NCAPG2: variants seen among roughly 807,000 people sequenced by gnomAD.
NCAPG2 encodes the protein non-SMC condensin II complex subunit G2.
A neutral mutation model predicts 141.1 loss-of-function variants in NCAPG2; 53 were observed. That is an observed-to-expected ratio of 0.38 (90% CI 0.30 to 0.47). The LOEUF (loss-of-function observed/expected upper bound fraction) is 0.47, where lower values mean the gene tolerates loss of function less well. Among genes scored for constraint, NCAPG2 ranks in the 20% least tolerant of loss-of-function variants. The pLI, the probability that NCAPG2 is intolerant of heterozygous loss-of-function variation, is 0.99. For synonymous variants in NCAPG2, 499 were observed against 490.7 expected (o/e 1.02, Z -0.22); for missense variants, 1,087 against 1,389.0 (o/e 0.78, Z 3.46).
chr7:158,685,815 A>G (rs1834723556), intron 8 of NCAPG2, among the ~76,000 whole-genome samples: 2 of 152,230 alleles, frequency 1.3e-5, no homozygotes, highest in African/African-American at 4.8e-5. Context: ...CAACATTTTT[A>G]AAAAGTACTG....
rs1833099189 is a variant in NCAPG2 at position 158,667,352 on chromosome 7, A to ACCCACAACT, written c.1480-2603_1480-2602insAGTTGTGGG. 1.5e-5 allele frequency: 2 copies of ACCCACAACT among 134,568 alleles called. 1 individual carries two copies. Among genetic ancestry groups the ACCCACAACT allele is most frequent in the Admixed American group, 1.7e-3 (2 of 1,202 alleles). 8.3% of individuals were successfully genotyped at this position (134,568 alleles called of 1,614,324 possible). The stretch of plus-strand genomic sequence containing the variant: ...CCGCTACTGTGTCCCTCCGCTCCTT[A>ACCCACAACT]GCCACTACCGGATCCCTCCGCCCCC... On this transcript the variant is annotated intron_variant, in intron 13 of 27. Transcript: ENST00000356309.
At chr7:158,675,981 CG>C (rs1834028037) in intron 11 of NCAPG2, among the ~76,000 whole-genome samples, 1 of 152,146 alleles carries the variant, frequency 6.6e-6, no homozygotes, top group African/African-American at 2.4e-5. Context: ...ACGTACACCA[CG>C]CTTTTGAATT....
chr7:158,682,545 A>G (rs961722094), intron 9 of NCAPG2, among the ~76,000 whole-genome samples: 4 of 152,248 alleles, frequency 2.6e-5, no homozygotes, highest in African/African-American at 9.6e-5. Flanking sequence ...GTATATTTAC[A>G]TTCTATAAAT....
In NCAPG2 at chr7:158,689,596, GTA is replaced by G. The variant is rs1386388980; in HGVS notation, c.672+221_672+222del. Among the ~76,000 whole-genome samples the G allele has an allele frequency of 1.6e-4, 24 of 152,256 alleles. 1 individual carries two copies. Among genetic ancestry groups the G allele is most frequent in the African/African-American group, 5.3e-4 (22 of 41,548 alleles). On this transcript the variant is annotated intron_variant, in intron 6 of 27. Coordinates refer to ENST00000356309, the MANE Select transcript of NCAPG2 (RefSeq NM_017760.7). The stretch of plus-strand genomic sequence containing the variant: ...TAAAATGTAATTACGGTTCCCCTAG[GTA>G]ACACACAGCCACCTGTTACCATCCA...
Position 158,675,624 on chromosome 7 carries a change from A to C in NCAPG2, c.1179T>G (p.Arg393=). Residue 393 remains arginine (R), a synonymous_variant, in exon 12 of 28, where the codon CGT becomes CGG. Coordinates refer to ENST00000356309, the MANE Select transcript of NCAPG2 (RefSeq NM_017760.7). The part of the protein sequence containing the change: ...SLLEDPYPMV[R]STGILGVCKI... The stretch of plus-strand genomic sequence containing the variant: ...TACAAACACCAAGGATCCCTGTGGA[A>C]CGGACCATCGGGTAAGGATCTTCTA... The C allele has an allele frequency of 6.2e-7, 1 of 1,613,274 alleles. No individual in the cohort carries two copies. The highest frequency in any genetic ancestry group is 8.5e-7 in the Non-Finnish European group (1 of 1,179,860).
intron 23 of NCAPG2, 55 bp downstream of exon 23, chr7:158,652,238 T>G: frequency 2.0e-6 from 3 of 1,522,806 alleles, no homozygotes; most frequent in Non-Finnish European, 2.7e-6. Context: ...TGTGTAGGTG[T>G]AGCCAGCCCT....
Position 158,664,233 on chromosome 7 carries a change from G to A in NCAPG2, c.1766C>T (p.Pro589Leu). The change falls in exon 15 of 28, where the codon CCT becomes CTT. Residue 589 changes from proline (P) to leucine (L), a missense_variant. Pro to Leu is a moderately conservative substitution (Grantham distance 98). Transcript: ENST00000356309. Reference protein sequence around the residue: ...NACIQRAVREPPEDEEEEDGR... With the variant: ...NACIQRAVRELPEDEEEEDGR... The stretch of plus-strand genomic sequence containing the variant: ...GTCCTCTTCCTCCTCGTCCTCTGGA[G>A]GCTCTCTCACTGCCCTCTGGATACA... 3.1e-6 allele frequency: 5 copies of A among 1,613,912 alleles called. No individual in the cohort carries two copies. The highest frequency in any genetic ancestry group is 4.2e-6 in the Non-Finnish European group (5 of 1,179,786).
In NCAPG2 at chr7:158,658,377, A is replaced by G; in HGVS notation, c.2021T>C (p.Leu674Pro). The stretch of plus-strand genomic sequence containing the variant: ...AGCAGAGGCCGGCATAAAGGACATT[A>G]GCATGAATAAAGGGATCTTGCAGCG... The part of the protein sequence containing the change: ...DDRCKIPLFM[L>P]MSFMPASAVP... The change falls in exon 17 of 28, where the codon CTA becomes CCA. Residue 674 changes from leucine (L) to proline (P), a missense_variant. By Grantham distance (98) the Leu-to-Pro change is moderately conservative. Transcript: ENST00000356309. 6.2e-7 allele frequency: 1 copy of G among 1,612,726 alleles called. No homozygotes were observed. Among genetic ancestry groups the G allele is most frequent in the Non-Finnish European group, 8.5e-7 (1 of 1,179,274 alleles).
At chr7:158,685,095 GA>G (rs1176305033) in intron 8 of NCAPG2, among the ~76,000 whole-genome samples, 7 of 152,260 alleles carry the variant, frequency 4.6e-5, no homozygotes, top group African/African-American at 1.7e-4. Flanking sequence ...TATTCTCAGA[GA>G]AAAATAAAAT....
chr7:158,679,114 C>T (rs1449058175), intron 11 of NCAPG2, among the ~76,000 whole-genome samples: 1 of 152,196 alleles, frequency 6.6e-6, no homozygotes, highest in East Asian at 1.9e-4. Flanking sequence ...CCTTGCCCTC[C>T]CACAGCGCTG....
At chr7:158,690,466 G>T in intron 5 of NCAPG2, 102 bp downstream of exon 5, 3 of 1,172,564 alleles carry the variant, frequency 2.6e-6, no homozygotes, top group South Asian at 3.0e-5. Context: ...GATTGCTCGA[G>T]CCCAGGAGTT....
At chr7:158,701,386 T>C (rs1587320523) in intron 2 of NCAPG2, among the ~76,000 whole-genome samples, 1 of 152,212 alleles carries the variant, frequency 6.6e-6, no homozygotes, top group Non-Finnish European at 1.5e-5. Flanking sequence ...TCCTTCTCTT[T>C]TGTTCTCTTC....
Position 158,678,958 on chromosome 7 carries a change from C to G in NCAPG2, c.1146+1002G>C, listed in dbSNP as rs370337490. Among the ~76,000 whole-genome samples the G allele has an allele frequency of 7.9e-5, 12 of 152,282 alleles. No individual in the cohort carries two copies. In the East Asian group the frequency reaches 1.5e-3, roughly 20 times the overall value. ...CTTGACCTCCTGGGCTGAAGCCTCC[C>G]AAGTAGCTGGGACCACAGGCGTGTG... is the stretch of plus-strand genomic sequence containing the variant. On this transcript the variant is annotated intron_variant, in intron 11 of 27. Coordinates refer to ENST00000356309, the MANE Select transcript of NCAPG2 (RefSeq NM_017760.7).
At chr7:158,636,654 A>G (rs1830221000) in intron 27 of NCAPG2, among the ~76,000 whole-genome samples, 1 of 152,086 alleles carries the variant, frequency 6.6e-6, no homozygotes, top group Non-Finnish European at 1.5e-5. Context: ...TGCCTGCCTC[A>G]GCCTCCCAAA....
chr7:158,675,226 G>C (rs1344572980), intron 12 of NCAPG2, among the ~76,000 whole-genome samples: 1 of 152,152 alleles, frequency 6.6e-6, no homozygotes, highest in Non-Finnish European at 1.5e-5. Flanking sequence ...AGAGACAAAA[G>C]AGAATAAATT....
chr7:158,663,908 C>G (rs537836822), intron 15 of NCAPG2, among the ~76,000 whole-genome samples: 15 of 152,276 alleles, frequency 9.9e-5, no homozygotes, highest in African/African-American at 3.6e-4. Context: ...CAGGATTGAA[C>G]TGAAATACAG....
chr7:158,686,030 G>A, intron 8 of NCAPG2, 142 bp downstream of exon 8: 1 of 521,094 alleles, frequency 1.9e-6, no homozygotes, highest in Admixed American at 4.0e-5. Flanking sequence ...TGACTGGATT[G>A]CCCATCAAAT....
intron 9 of NCAPG2, among the ~76,000 whole-genome samples, chr7:158,682,281 TC>T (rs1462030073): frequency 6.6e-6 from 1 of 151,408 alleles, no homozygotes; most frequent in African/African-American, 2.4e-5. Flanking sequence ...AAACACCAAC[TC>T]ATCTATGTGA....
intron 13 of NCAPG2, among the ~76,000 whole-genome samples, chr7:158,667,434 CTCCTTA>C (rs1833134366): frequency 1.9e-5 from 2 of 104,754 alleles, no homozygotes; most frequent in Admixed American, 8.6e-5. Context: ...TCCCTCCGCC[CTCCTTA>C]CCCACTACTG....
Sources: gnomAD v4.1 joint callset for allele counts (sites outside exome capture counted in the v4.1 genomes callset) on GRCh38, gnomAD v4.1.1 for gene constraint, MANE v1.5 for transcripts, NCBI Gene and HGNC (gene_info 2026-07-23, HGNC 2026-07-21) for gene names.